The following PCDH11X variants were observed in gnomAD, a reference collection of about 807,000 sequenced individuals.
PCDH11X encodes the protein protocadherin 11 X-linked, also known as protocadherin-11 X-linked.
Under a neutral mutation model 53.3 loss-of-function variants are expected in PCDH11X, and 18 were observed. That is an observed-to-expected ratio of 0.34 (90% CI 0.23 to 0.50). PCDH11X has a LOEUF of 0.50. PCDH11X is among the 20% of genes least tolerant of loss of function. PCDH11X has a pLI of 0.98. For synonymous variants in PCDH11X, 279 were observed against 393.3 expected (o/e 0.71, Z 3.44); for missense variants, 570 against 1,032.4 (o/e 0.55, Z 6.14).
At chrX:92,214,759 T>A (rs191895302) in intron 7 of PCDH11X, among the ~76,000 whole-genome samples, 34 of 111,724 alleles carry the variant, frequency 3.0e-4, no homozygotes, top group Non-Finnish European at 3.9e-4. Context: ...GTTAAAGTAC[T>A]GCCAGGAGGC....
At chrX:92,228,128 A>G (rs753642079) in intron 7 of PCDH11X, among the ~76,000 whole-genome samples, 6 of 111,592 alleles carry the variant, frequency 5.4e-5, no homozygotes, top group Non-Finnish European at 7.5e-5. Context: ...GTTGATCTGC[A>G]TTTTTGTTTT....
intron 6 of PCDH11X, among the ~76,000 whole-genome samples, chrX:91,993,936 G>T: frequency 1.1e-5 from 1 of 90,634 alleles, no homozygotes; most frequent in Middle Eastern, 5.4e-3. Flanking sequence ...ATCCTCTACA[G>T]CATTTTGCCA....
chrX:92,149,798 A>C (rs1200844988), intron 6 of PCDH11X, among the ~76,000 whole-genome samples: 4 of 110,783 alleles, frequency 3.6e-5, no homozygotes, highest in Non-Finnish European at 7.6e-5. Context: ...TACTGTAAGT[A>C]TATATTAGTT....
At chrX:92,221,278 AACACACACACACACACACAC>A (rs58264678) in intron 7 of PCDH11X, among the ~76,000 whole-genome samples, 4 of 88,037 alleles carry the variant, frequency 4.5e-5, no homozygotes, top group East Asian at 7.4e-4. Context: ...CATTGTATAC[AACACACACACACACACACAC>A]ACACACACAC....
chrX:92,270,575 C>A (rs1363116630), intron 8 of PCDH11X, among the ~76,000 whole-genome samples: 1 of 111,678 alleles, frequency 9.0e-6, no homozygotes, highest in Non-Finnish European at 1.9e-5. Context: ...GGAGGGAGGT[C>A]TGTGCTTTTC....
intron 6 of PCDH11X, among the ~76,000 whole-genome samples, chrX:92,081,270 T>C (rs1197661609): frequency 9.1e-6 from 1 of 110,409 alleles, no homozygotes; most frequent in African/African-American, 3.3e-5. Flanking sequence ...TCATATTAAA[T>C]AATTTTCAGG....
chrX:92,116,763 T>C (rs922304687), intron 6 of PCDH11X, among the ~76,000 whole-genome samples: 6 of 110,466 alleles, frequency 5.4e-5, no homozygotes, highest in Non-Finnish European at 1.1e-4. Flanking sequence ...TGTTTTGTAT[T>C]TTTTTGTAGA....
At chrX:92,123,301 T>C (rs775090625) in intron 6 of PCDH11X, among the ~76,000 whole-genome samples, 2 of 111,778 alleles carry the variant, frequency 1.8e-5, no homozygotes, top group East Asian at 5.7e-4. Context: ...GTGATTTTTG[T>C]ATATATTAGA....
intron 4 of PCDH11X, among the ~76,000 whole-genome samples, chrX:91,817,425 A>G (rs1421505130): frequency 9.5e-6 from 1 of 105,373 alleles, no homozygotes; most frequent in Non-Finnish European, 2.0e-5. Flanking sequence ...TTAATTTTAT[A>G]CCTTTTTTGT....
At chrX:91,854,223 T>C (rs1165518632) in intron 5 of PCDH11X, among the ~76,000 whole-genome samples, 1 of 111,695 alleles carries the variant, frequency 9.0e-6, no homozygotes, top group East Asian at 2.8e-4. Context: ...ATTGCTGAAA[T>C]TTTTAGCTCC....
At chrX:92,407,890 G>GTT (rs1156608525) in intron 9 of PCDH11X, among the ~76,000 whole-genome samples, 2 of 109,772 alleles carry the variant, frequency 1.8e-5, no homozygotes, top group African/African-American at 3.3e-5. Context: ...GTTTGTTTCT[G>GTT]TTTTTTGTTT....
intron 6 of PCDH11X, among the ~76,000 whole-genome samples, chrX:92,024,718 C>CAAAAAAAAAAAAAAAA (rs199917287): frequency 8.4e-4 from 46 of 54,627 alleles, no homozygotes; most frequent in Non-Finnish European, 1.3e-3. Context: ...CAATCCTAAG[C>CAAAAAAAAAAAAAAAA]AAAAAAAAAA....
intron 1 of PCDH11X, among the ~76,000 whole-genome samples, chrX:91,781,817 C>T (rs930834901): frequency 8.9e-6 from 1 of 112,364 alleles, no homozygotes; most frequent in African/African-American, 3.2e-5. Context: ...GCGGTCTTGA[C>T]GAAAGAACCG....
At chrX:92,249,309 T>C (rs2067413478) in intron 7 of PCDH11X, among the ~76,000 whole-genome samples, 1 of 111,761 alleles carries the variant, frequency 8.9e-6, no homozygotes, top group Non-Finnish European at 1.9e-5. Context: ...CAAGCTTTAA[T>C]AGACACAATA....
intron 8 of PCDH11X, among the ~76,000 whole-genome samples, chrX:92,278,498 G>A (rs952263654): frequency 2.7e-5 from 3 of 111,001 alleles, no homozygotes; most frequent in Admixed American, 9.6e-5. Flanking sequence ...CCGTTTTATA[G>A]GATTTGGGAA....
chrX:91,989,189 C>T (rs1370104663), intron 6 of PCDH11X, among the ~76,000 whole-genome samples: 2 of 109,800 alleles, frequency 1.8e-5, no homozygotes, highest in Non-Finnish European at 3.8e-5. Context: ...TTCAATGTTG[C>T]TTACACTTCT....
intron 8 of PCDH11X, among the ~76,000 whole-genome samples, chrX:92,286,332 T>A (rs751633288): frequency 2.7e-5 from 3 of 109,605 alleles, no homozygotes; most frequent in East Asian, 5.8e-4. Context: ...TCACAGAAGA[T>A]TCAGAATTAT....
In PCDH11X at chrX:92,138,155, C is replaced by A. The variant is rs1353500769; in HGVS notation, c.3034-63220C>A. Among the ~76,000 whole-genome samples the A allele has an allele frequency of 5.6e-5, 6 of 108,081 alleles. No homozygotes were observed. In the East Asian group the frequency reaches 1.8e-3, roughly 32 times the overall value. The allele number at this position is 108,081 out of a possible 115,157, so 93.9% of individuals were successfully genotyped here. A position where few individuals can be genotyped will look rare whatever the true frequency, so the allele number is the denominator to read the frequency against. ...GTTTACTAAGGATAATGGCTTCCAG[C>A]TCCATCCATGTCCCTGCAAAGGACA... On this transcript the variant is annotated intron_variant, in intron 6 of 10. Coordinates refer to ENST00000682573, the MANE Select transcript of PCDH11X (RefSeq NM_032968.5).
chrX:91,933,903 A>T (rs2061415762), intron 6 of PCDH11X, among the ~76,000 whole-genome samples: 1 of 109,906 alleles, frequency 9.1e-6, no homozygotes, highest in Admixed American at 9.8e-5. Context: ...TGAACAATTA[A>T]CAAAAATCAC....
Sources: gnomAD v4.1 joint callset for allele counts (sites outside exome capture counted in the v4.1 genomes callset) on GRCh38, gnomAD v4.1.1 for gene constraint, MANE v1.5 for transcripts, NCBI Gene and HGNC (gene_info 2026-07-23, HGNC 2026-07-21) for gene names.